The following CD4 variants were observed in gnomAD, a reference collection of about 807,000 sequenced individuals.
CD4 encodes CD4 molecule, also known as T-cell surface glycoprotein CD4.
In CD4, 25 loss-of-function variants were observed where a neutral mutation model predicts 50.5. The observed-to-expected ratio is 0.49, with a 90% CI of 0.36 to 0.69. The LOEUF (loss-of-function observed/expected upper bound fraction) is 0.69. Among genes scored for constraint, CD4 ranks in the 30% least tolerant of loss-of-function variants. The pLI, the probability that CD4 is intolerant of heterozygous loss-of-function variation, is 0.00. For synonymous variants in CD4, 207 were observed against 221.9 expected, an observed-to-expected ratio of 0.93 and a Z score of 0.60; for missense variants, 456 against 548.5, an observed-to-expected ratio of 0.83 and a Z score of 1.68.
chr12:6,819,141 AGAAGTG>A (rs1943203592), intron 9 of CD4, among the ~76,000 whole-genome samples, 152 bp from the exon 10 acceptor site: 1 of 152,014 alleles, frequency 6.6e-6, no homozygotes, highest in African/African-American at 2.4e-5. Flanking sequence ...AGAAGGAGGC[AGAAGTG>A]GGAGGATGGA....
intron 1 of CD4, among the ~76,000 whole-genome samples, chr12:6,794,786 G>GTTTTTTTT (rs1220016459): frequency 4.7e-5 from 5 of 105,396 alleles, no homozygotes; most frequent in African/African-American, 7.1e-5. Flanking sequence ...TTTTTTTTTT[G>GTTTTTTTT]TTTTTTTTTT....
rs1224312775 is a variant in CD4, at chr12:6,816,562, A to T, written c.955+159A>T. Among the ~76,000 whole-genome samples, 3 of 152,196 alleles carry T rather than the reference A, an allele frequency of 2.0e-5. No homozygotes were observed. The highest frequency in any genetic ancestry group is 1.3e-4 in the Admixed American group (2 of 15,284). ...CCCTCTGGGTTTGGGGCTGGTTTTG[A>T]ACTGAGACATCCATGAGCCAGCCTG... On this transcript the variant is annotated intron_variant, in intron 6 of 9. Transcript: ENST00000011653. The surrounding 1 kb of genome is among the most constrained non-coding windows in gnomAD (Gnocchi z 4.9).
Position 6,818,900 on chromosome 12 carries a change from C to T in CD4, c.1332C>T (p.Thr444=). ...AGAGACTCCTCAGTGAGAAGAAGAC[C>T]TGCCAGTGTCCTCAGTAAGGATCTG... ...QIKRLLSEKK[T]CQCPHRFQKT... Residue 444 remains threonine, a synonymous_variant, in exon 9 of 10, where the codon ACC becomes ACT. Coordinates refer to ENST00000011653, the MANE Select transcript of CD4 (RefSeq NM_000616.5). The surrounding 1 kb of genome is among the most constrained non-coding windows in gnomAD (Gnocchi z 5.0). 1.3e-6 allele frequency: 2 copies of T among 1,599,416 alleles called. No individual in the cohort carries two copies. Among genetic ancestry groups the T allele is most frequent in the Non-Finnish European group, 8.5e-7 (1 of 1,171,374 alleles).
chr12:6,814,388 G>A (rs1349768283), intron 4 of CD4, 88 bp downstream of exon 4: 1 of 1,399,456 alleles, frequency 7.1e-7, no homozygotes, highest in African/African-American at 1.4e-5. Context: ...AGCCTGAGCT[G>A]GTGATACCGC....
At position 6,819,467 on chromosome 12, in the gene CD4, T is replaced by C. The variant is rs1943213397; in HGVS notation, c.*138T>C. On this transcript the variant is annotated 3_prime_UTR_variant, in exon 10 of 10. Coordinates refer to ENST00000011653, the MANE Select transcript of CD4 (RefSeq NM_000616.5). The stretch of plus-strand genomic sequence containing the variant: ...CTCCTCTACAATTTGCCATTGTTTC[T>C]CCTGGGTTAGGCCCCGGCTTCACTG... 1 of 826,562 alleles carries C rather than the reference T, an allele frequency of 1.2e-6. No homozygotes were observed. The highest frequency in any genetic ancestry group is 2.1e-6 in the Non-Finnish European group (1 of 486,996). The allele number at this position is 826,562 out of a possible 1,614,324, so 51.2% of individuals were successfully genotyped here. A position where few individuals can be genotyped will look rare whatever the true frequency, so the allele number is the denominator to read the frequency against.
Position 6,819,692 on chromosome 12 carries a change from G to A in CD4, c.*363G>A. ...TGGGTGTCTGGAAGCATGGAGCATG[G>A]GACTGTTCTTTTACAAGACAGGACC... On this transcript the variant is annotated 3_prime_UTR_variant, in exon 10 of 10. Transcript: ENST00000011653. 3.5e-6 allele frequency: 1 copy of A among 283,776 alleles called. No individual in the cohort carries two copies. Among genetic ancestry groups the A allele is most frequent in the Non-Finnish European group, 6.7e-6 (1 of 149,128 alleles). The allele number at this position is 283,776 out of a possible 1,614,324, so 17.6% of individuals were successfully genotyped here.
intron 3 of CD4, among the ~76,000 whole-genome samples, chr12:6,812,831 A>G (rs1299950650): frequency 6.7e-6 from 1 of 150,112 alleles, no homozygotes; most frequent in Non-Finnish European, 1.5e-5. Context: ...TCACTCTCTC[A>G]CCAAGGCTGG....
intron 1 of CD4, 100 bp downstream of exon 1, chr12:6,789,762 C>A (rs894298672): frequency 6.6e-6 from 1 of 152,310 alleles, no homozygotes; most frequent in Non-Finnish European, 1.5e-5. Flanking sequence ...CTGCCCACAG[C>A]TCTGGCCACC....
At position 6,816,456 on chromosome 12, in the gene CD4, G is replaced by A; in HGVS notation, c.955+53G>A. ...GCAGGGGAAGGAGTTGGAGGGGCCT[G>A]GCCCAGGGCTCCCTCTGAGGCAAGC... On this transcript the variant is annotated intron_variant, in intron 6 of 9. Coordinates refer to ENST00000011653, the MANE Select transcript of CD4 (RefSeq NM_000616.5). This position sits in a 1 kb window ranked among gnomAD's most constrained non-coding sequence, Gnocchi z 4.9. 7.0e-7 allele frequency: 1 copy of A among 1,432,410 alleles called. No individual in the cohort carries two copies. 88.7% of individuals were successfully genotyped at this position (1,432,410 alleles called of 1,614,324 possible).
intron 4 of CD4, 21 bp downstream of exon 4, chr12:6,814,321 T>C (rs201415442): frequency 2.9e-5 from 46 of 1,608,710 alleles, no homozygotes; most frequent in Non-Finnish European, 2.7e-5. Context: ...CAGGTGGGGA[T>C]GAGGATACCT....
At chr12:6,790,543 G>T (rs1942125512) in intron 1 of CD4, among the ~76,000 whole-genome samples, 1 of 152,228 alleles carries the variant, frequency 6.6e-6, no homozygotes, top group African/African-American at 2.4e-5. Flanking sequence ...GAAAAGAATT[G>T]GTGGTAGGGG....
intron 1 of CD4, among the ~76,000 whole-genome samples, chr12:6,790,751 C>G (rs760064845): frequency 4.6e-5 from 7 of 152,234 alleles, no homozygotes; most frequent in Non-Finnish European, 8.8e-5. Flanking sequence ...CTGCTTTCCC[C>G]TCATAGGCTT....
In CD4 at chr12:6,818,468, C is replaced by A; in HGVS notation, c.1204C>A (p.Leu402Met). ...TPVQPMALIV[L>M]GGVAGLLLFI... is the part of the protein sequence containing the mutation. ...GGTGCAGCCAATGGCCCTGATTGTG[C>A]TGGGGGGCGTCGCCGGCCTCCTGCT... Residue 402 changes from leucine to methionine, a missense_variant, in exon 8 of 10, where the codon CTG (leucine) becomes ATG (methionine). By Grantham distance (15) the Leu-to-Met change is conservative (BLOSUM62 2). Transcript: ENST00000011653. This position sits in a 1 kb window ranked among gnomAD's most constrained non-coding sequence, Gnocchi z 5.0. 6.2e-7 allele frequency: 1 copy of A among 1,612,988 alleles called. No homozygotes were observed. The highest frequency in any genetic ancestry group is 8.5e-7 in the Non-Finnish European group (1 of 1,180,018).
intron 3 of CD4, among the ~76,000 whole-genome samples, chr12:6,802,968 C>T (rs187000296): frequency 2.4e-4 from 36 of 150,590 alleles, no homozygotes; most frequent in African/African-American, 8.1e-4. Flanking sequence ...CTCTCGACTT[C>T]GTGATCAGCC....
chr12:6,818,337 G>C lies in CD4; in HGVS notation c.1157-84G>C, dbSNP rs1373374095. On this transcript the variant is annotated intron_variant, in intron 7 of 9. Transcript: ENST00000011653. The surrounding 1 kb of genome is among the most constrained non-coding windows in gnomAD (Gnocchi z 5.0). ...CAACCCCAGGGTCAAACCAGAGACT[G>C]GCCAGGAGGGATTGCAGGGCAGTCC... 1.3e-6 allele frequency: 2 copies of C among 1,550,270 alleles called. No individual in the cohort carries two copies. Among genetic ancestry groups the C allele is most frequent in the African/African-American group, 2.7e-5 (2 of 73,778 alleles).
In CD4 at chr12:6,816,747, A is replaced by T. The variant is rs1301597038; in HGVS notation, c.955+344A>T. Among the ~76,000 whole-genome samples, 1 of 152,196 alleles carries T rather than the reference A, an allele frequency of 6.6e-6. No homozygotes were observed. The highest frequency in any genetic ancestry group is 1.5e-5 in the Non-Finnish European group (1 of 68,014). On this transcript the variant is annotated intron_variant, in intron 6 of 9. Coordinates refer to ENST00000011653, the MANE Select transcript of CD4 (RefSeq NM_000616.5). The surrounding 1 kb of genome is among the most constrained non-coding windows in gnomAD (Gnocchi z 4.9). ...GATAATGAAATCTGCTCTCTGTGTG[A>T]TAGTAATGATGATAATGTCAAGCTC...
intron 1 of CD4, among the ~76,000 whole-genome samples, chr12:6,794,012 T>TCTATCTATCAC (rs1942285444): frequency 4.3e-5 from 6 of 139,820 alleles, no homozygotes; most frequent in South Asian, 2.3e-4. Context: ...CTATCACCTA[T>TCTATCTATCAC]CTATCTAATC....
intron 1 of CD4, among the ~76,000 whole-genome samples, chr12:6,793,455 C>T (rs192194091): frequency 1.9e-4 from 29 of 152,278 alleles, no homozygotes; most frequent in Admixed American, 4.6e-4. Context: ...GTGGGAACCA[C>T]TCTTTGGTAT....
At chr12:6,811,337 C>T (rs1483370058) in intron 3 of CD4, among the ~76,000 whole-genome samples, 2 of 152,068 alleles carry the variant, frequency 1.3e-5, no homozygotes, top group African/African-American at 4.8e-5. Flanking sequence ...AGAAAACTTC[C>T]CTTGGTGATG....
Sources: gnomAD v4.1 joint callset for allele counts (sites outside exome capture counted in the v4.1 genomes callset) on GRCh38, gnomAD v4.1.1 for gene constraint, Gnocchi (gnomAD v3.1) non-coding constraint, MANE v1.5 for transcripts, NCBI Gene and HGNC (gene_info 2026-07-23, HGNC 2026-07-21) for gene names.